Variants in RUVBL1 observed in about 807,000 individuals in gnomAD.
RUVBL1 encodes the protein RuvB like AAA ATPase 1, also known as ruvB-like 1.
Under a neutral mutation model 52.4 loss-of-function variants are expected in RUVBL1, and 4 were observed. The observed-to-expected ratio is 0.08, with a 90% CI of 0.04 to 0.17. The LOEUF (loss-of-function observed/expected upper bound fraction) is 0.17. RUVBL1 is among the 10% of genes least tolerant of loss of function. The pLI, the probability that RUVBL1 is intolerant of heterozygous loss-of-function variation, is 1.00. For missense variants in RUVBL1, 298 were observed against 572.8 expected (o/e 0.52, Z 4.90); for synonymous variants, 217 against 214.4 (o/e 1.01, Z -0.10).
intron 1 of RUVBL1, among the ~76,000 whole-genome samples, chr3:128,140,547 G>C (rs528602674): frequency 1.3e-5 from 2 of 152,222 alleles, no homozygotes; most frequent in East Asian, 3.9e-4. Context: ...AGTCATAAAA[G>C]TAACTAACAT....
intron 3 of RUVBL1, among the ~76,000 whole-genome samples, chr3:128,105,828 GCT>G (rs1244510763): frequency 6.8e-6 from 1 of 147,914 alleles, no homozygotes; most frequent in Non-Finnish European, 1.5e-5. Context: ...GCAATGTGTT[GCT>G]CTACAATTTT....
chr3:128,067,735 G>A lies in RUVBL1; in HGVS notation c.940-2515C>T. Reference sequence around the variant, plus strand: ...GTGCAGATAGATCGTCGTCCTTTAGGGGGCAGTTCAGAAGCTTTAAGGGCT... The same window carrying A: ...GTGCAGATAGATCGTCGTCCTTTAGAGGGCAGTTCAGAAGCTTTAAGGGCT... On this transcript the variant is annotated intron_variant, in intron 9 of 9. Transcript: ENST00000464873. This position sits in a 1 kb window ranked among gnomAD's most constrained non-coding sequence, Gnocchi z 4.1. 2 of 827,638 alleles carry A rather than the reference G, an allele frequency of 2.4e-6. No individual in the cohort carries two copies. Among genetic ancestry groups the A allele is most frequent in the Non-Finnish European group, 3.8e-6 (2 of 530,518 alleles). The allele number at this position is 827,638 out of a possible 1,614,324, so 51.3% of individuals were successfully genotyped here. A position where few individuals can be genotyped will look rare whatever the true frequency, so the allele number is the denominator to read the frequency against.
At chr3:128,073,219 C>T (rs1559801922) in intron 9 of RUVBL1, among the ~76,000 whole-genome samples, 1 of 152,124 alleles carries the variant, frequency 6.6e-6, no homozygotes, top group Non-Finnish European at 1.5e-5. Context: ...GGGAAACAGG[C>T]CCCACCCCCG....
At chr3:128,096,608 C>T (rs1372547205) in intron 8 of RUVBL1, among the ~76,000 whole-genome samples, 1 of 152,048 alleles carries the variant, frequency 6.6e-6, no homozygotes, top group East Asian at 1.9e-4. Flanking sequence ...GGGCAGATCA[C>T]GAGGTCAGGA....
intron 1 of RUVBL1, among the ~76,000 whole-genome samples, chr3:128,129,698 A>G (rs1943846469): frequency 6.6e-6 from 1 of 152,228 alleles, no homozygotes; most frequent in Non-Finnish European, 1.5e-5. Flanking sequence ...GCCCTAAAAA[A>G]GAAGAAAATT....
In RUVBL1 at chr3:128,106,462, C is replaced by G. The variant is rs1044559635; in HGVS notation, c.362-1538G>C. Among the ~76,000 whole-genome samples the G allele has an allele frequency of 1.5e-4, 23 of 151,938 alleles. No homozygotes were observed. In the South Asian group the frequency reaches 4.4e-3, roughly 29 times the overall value. ...GCAGACTCAGTTTAAAACGTATCCCCCCCCCCTTCACACATTCTTCTTCCT... is the reference window on the plus strand; with the variant it reads ...GCAGACTCAGTTTAAAACGTATCCCGCCCCCCTTCACACATTCTTCTTCCT... On this transcript the variant is annotated intron_variant, in intron 3 of 10. Coordinates refer to ENST00000322623, the MANE Select transcript of RUVBL1 (RefSeq NM_003707.3).
chr3:128,124,311 G>A (rs1184538566), upstream of RUVBL1, among the ~76,000 whole-genome samples: 1 of 151,788 alleles, frequency 6.6e-6, no homozygotes, highest in Non-Finnish European at 1.5e-5. Context: ...ATCCTCCACC[G>A]AGAGATAAGG....
At chr3:128,150,631 T>TATATATTCTATAC (rs1944172335) in intron 1 of RUVBL1, among the ~76,000 whole-genome samples, 5 of 109,042 alleles carry the variant, frequency 4.6e-5, no homozygotes, top group Admixed American at 9.4e-5. Context: ...ATTCTATGTA[T>TATATATTCTATAC]ATATTCTATA....
chr3:128,108,508 A>C (rs565555429), intron 3 of RUVBL1, among the ~76,000 whole-genome samples: 5 of 152,320 alleles, frequency 3.3e-5, no homozygotes, highest in African/African-American at 1.2e-4. Flanking sequence ...AATATCAGAA[A>C]AACATTTTTT....
chr3:128,096,248 G>A (rs1942966360), intron 8 of RUVBL1, among the ~76,000 whole-genome samples: 1 of 152,144 alleles, frequency 6.6e-6, no homozygotes, highest in Non-Finnish European at 1.5e-5. Flanking sequence ...AAAACCAAAA[G>A]AGCAATAAAA....
downstream of RUVBL1, among the ~76,000 whole-genome samples, chr3:128,079,233 C>T (rs1472954105): frequency 6.6e-6 from 1 of 152,266 alleles, no homozygotes; most frequent in African/African-American, 2.4e-5. Context: ...CCGGACCCCG[C>T]TTCCTTCACC....
At chr3:128,150,204 T>A (rs1310610893) in intron 1 of RUVBL1, among the ~76,000 whole-genome samples, 1 of 152,184 alleles carries the variant, frequency 6.6e-6, no homozygotes, top group Admixed American at 6.5e-5. Context: ...ATTTGCCTTA[T>A]TCATCCACAG....
At chr3:128,107,927 G>A (rs1943285462) in intron 3 of RUVBL1, among the ~76,000 whole-genome samples, 1 of 152,186 alleles carries the variant, frequency 6.6e-6, no homozygotes, top group Non-Finnish European at 1.5e-5. Context: ...CTCAAGGAGG[G>A]GAAGAAAGAC....
At chr3:128,065,977 C>T (rs1054240777) in intron 9 of RUVBL1, among the ~76,000 whole-genome samples, 3 of 151,874 alleles carry the variant, frequency 2.0e-5, no homozygotes, top group African/African-American at 4.8e-5. Flanking sequence ...CTCCTGACCT[C>T]GTGATCCGCC....
chr3:128,137,227 G>T (rs1943961014), intron 1 of RUVBL1, among the ~76,000 whole-genome samples: 2 of 151,842 alleles, frequency 1.3e-5, no homozygotes, highest in African/African-American at 4.8e-5. Context: ...AAATAAAATT[G>T]AAATAAAAAT....
intron 1 of RUVBL1, among the ~76,000 whole-genome samples, chr3:128,143,891 G>A (rs1576490753): frequency 6.6e-6 from 1 of 152,218 alleles, no homozygotes; most frequent in African/African-American, 2.4e-5. Context: ...TACAAAAGAA[G>A]AGGGAGTAGG....
At chr3:128,091,551 C>G (rs1942840972) in intron 8 of RUVBL1, among the ~76,000 whole-genome samples, 1 of 152,188 alleles carries the variant, frequency 6.6e-6, no homozygotes, top group African/African-American at 2.4e-5. Flanking sequence ...AAGCCACAGA[C>G]CCAAATCTCC....
At chr3:128,153,635 G>A (rs1419626911) in exon 1 of RUVBL1, 1 of 1,598,032 alleles carries the variant, frequency 6.3e-7, no homozygotes, top group African/African-American at 1.4e-5. Flanking sequence ...CCGCAGAGCC[G>A]CGAGCGCGGC....
At chr3:128,092,031 C>A (rs1264128282) in intron 8 of RUVBL1, among the ~76,000 whole-genome samples, 3 of 152,188 alleles carry the variant, frequency 2.0e-5, no homozygotes, top group Non-Finnish European at 2.9e-5. Flanking sequence ...GCTCAGTGGA[C>A]ACACAGTAAG....
Sources: allele counts gnomAD v4.1 joint callset (sites outside exome capture counted in the v4.1 genomes callset), GRCh38; gene constraint gnomAD v4.1.1; non-coding constraint Gnocchi (gnomAD v3.1); transcripts MANE v1.5; gene names NCBI Gene and HGNC (gene_info 2026-07-23, HGNC 2026-07-21).